The following EXT2 variants were observed in gnomAD, a reference collection of about 807,000 sequenced individuals.
EXT2 encodes exostosin-2.
A neutral mutation model predicts 81.6 loss-of-function variants in EXT2; 53 were observed. The ratio of observed to expected loss-of-function variants is 0.65; its 90% confidence interval spans 0.52 to 0.82. The LOEUF is 0.82. EXT2 is among the 40% of genes least tolerant of loss of function. The probability of loss-of-function intolerance (pLI) is 0.00; values close to 1 mark genes in which losing one functional copy is unlikely to be tolerated. For missense variants in EXT2, 774 were observed against 910.2 expected, an observed-to-expected ratio of 0.85 and a Z score of 1.93; for synonymous variants, 320 against 340.0, an observed-to-expected ratio of 0.94 and a Z score of 0.65.
intron 8 of EXT2, among the ~76,000 whole-genome samples, chr11:44,182,550 G>C (rs1223080903): frequency 6.6e-6 from 1 of 151,996 alleles, no homozygotes; most frequent in Non-Finnish European, 1.5e-5. Context: ...TCTAAAAATA[G>C]TACACTCTTT....
In EXT2 at chr11:44,190,815, G is replaced by T. The variant is rs910541199; in HGVS notation, c.1306-7014G>T. On this transcript the variant is annotated intron_variant, in intron 8 of 13. Transcript: ENST00000533608. ...CGTTTACCACCTTTCTCTGCTTTCT[G>T]TATGGTAACCCTAGAATGGTTTTGG... 3.3e-5 allele frequency among the ~76,000 whole-genome samples: 5 copies of T among 152,318 alleles called. No individual in the cohort carries two copies. The South Asian group carries it at 6.2e-4, about 19-fold the overall frequency.
intron 7 of EXT2, among the ~76,000 whole-genome samples, chr11:44,158,184 G>C (rs1424948368): frequency 1.3e-5 from 2 of 152,220 alleles, no homozygotes; most frequent in Non-Finnish European, 2.9e-5. Flanking sequence ...TGGGGGAGCA[G>C]TGACACAAGC....
chr11:44,235,728 T>A (rs1479232385), intron 12 of EXT2, among the ~76,000 whole-genome samples: 1 of 152,168 alleles, frequency 6.6e-6, no homozygotes, highest in Non-Finnish European at 1.5e-5. Flanking sequence ...CTGAGTTTGC[T>A]AGGGAGATCG....
At chr11:44,163,845 C>G (rs1202023912) in intron 7 of EXT2, among the ~76,000 whole-genome samples, 1 of 152,162 alleles carries the variant, frequency 6.6e-6, no homozygotes, top group Non-Finnish European at 1.5e-5. Flanking sequence ...TCTTGGTTCT[C>G]TTGGGTTTTG....
chr11:44,114,347 G>C, intron 4 of EXT2, 46 bp downstream of exon 4: 1 of 1,551,230 alleles, frequency 6.4e-7, no homozygotes, highest in Non-Finnish European at 8.9e-7. Context: ...CTGAATCTGT[G>C]AGATGTTGAT....
intron 8 of EXT2, among the ~76,000 whole-genome samples, chr11:44,189,886 T>G (rs529390638): frequency 6.6e-6 from 1 of 152,360 alleles, no homozygotes; most frequent in Non-Finnish European, 1.5e-5. Context: ...TCTCTAGTTT[T>G]GCAAGTCAGC....
At chr11:44,111,982 G>A (rs1954150785) in intron 3 of EXT2, among the ~76,000 whole-genome samples, 1 of 152,128 alleles carries the variant, frequency 6.6e-6, no homozygotes, top group African/African-American at 2.4e-5. Context: ...CACAAATATT[G>A]TTTTACAGTT....
intron 7 of EXT2, among the ~76,000 whole-genome samples, chr11:44,142,556 T>C (rs1256465298): frequency 2.0e-5 from 3 of 152,244 alleles, no homozygotes; most frequent in African/African-American, 4.8e-5. Flanking sequence ...GTGGTTTTTT[T>C]CCAAATGTTT....
At position 44,219,804 on chromosome 11, in the gene EXT2, T is replaced by TA. The variant is rs1274202616; in HGVS notation, c.1663-12543dup. ...TTCTTACTTACATAGCTGAGGCTGA[T>TA]AAAAAAGGGGGCATCCCTAACAGAG... is the stretch of plus-strand genomic sequence containing the variant. On this transcript the variant is annotated intron_variant, in intron 10 of 13. Coordinates refer to ENST00000533608, the MANE Select transcript of EXT2 (RefSeq NM_207122.2). 4.6e-5 allele frequency among the ~76,000 whole-genome samples: 7 copies of TA among 152,210 alleles called. No homozygotes were observed. The South Asian group carries it at 6.2e-4, about 14-fold the overall frequency.
At chr11:44,119,728 TTTCTAA>T in intron 4 of EXT2, among the ~76,000 whole-genome samples, 1 of 152,342 alleles carries the variant, frequency 6.6e-6, no homozygotes, top group Admixed American at 6.5e-5. Context: ...TAAGCAAGCC[TTTCTAA>T]GGAGAACACT....
At chr11:44,097,651 T>C (rs1250068861) in intron 1 of EXT2, among the ~76,000 whole-genome samples, 1 of 151,800 alleles carries the variant, frequency 6.6e-6, no homozygotes, top group African/African-American at 2.4e-5. Flanking sequence ...ATTAGCTGGG[T>C]GTGGTAGCAC....
intron 3 of EXT2, among the ~76,000 whole-genome samples, chr11:44,113,074 G>C (rs1463391237): frequency 6.6e-6 from 1 of 152,190 alleles, no homozygotes; most frequent in African/African-American, 2.4e-5. Context: ...TTGGTACTAA[G>C]GATAGTTATT....
chr11:44,218,016 C>A (rs1351998836), intron 10 of EXT2, among the ~76,000 whole-genome samples: 1 of 152,162 alleles, frequency 6.6e-6, no homozygotes, highest in Non-Finnish European at 1.5e-5. Flanking sequence ...TTCACCAGAG[C>A]AACTGTGTGT....
In EXT2 at chr11:44,219,422, G is replaced by A. The variant is rs557405974; in HGVS notation, c.1662+12463G>A. Reference sequence around the variant, plus strand: ...CCAGCTACTCAGGAGGCTGAGTGAGGTGGGAGAATCACTTGAGTCTAGGAT... The same window carrying A: ...CCAGCTACTCAGGAGGCTGAGTGAGATGGGAGAATCACTTGAGTCTAGGAT... On this transcript the variant is annotated intron_variant, in intron 10 of 13. Coordinates refer to ENST00000533608, the MANE Select transcript of EXT2 (RefSeq NM_207122.2). Among the ~76,000 whole-genome samples, 29 of 152,112 alleles carry A rather than the reference G, an allele frequency of 1.9e-4. 1 individual carries two copies. The highest frequency in any genetic ancestry group is 1.9e-3 in the South Asian group (9 of 4,822).
chr11:44,113,606 T>G (rs1339825387), intron 3 of EXT2, among the ~76,000 whole-genome samples: 1 of 152,222 alleles, frequency 6.6e-6, no homozygotes, highest in African/African-American at 2.4e-5. Context: ...GTAGCTGGAA[T>G]GGACAGTGAG....
At chr11:44,215,005 C>G (rs186275057) in intron 10 of EXT2, among the ~76,000 whole-genome samples, 1 of 152,138 alleles carries the variant, frequency 6.6e-6, no homozygotes, top group Non-Finnish European at 1.5e-5. Flanking sequence ...AAGCAATCCT[C>G]CTGCCTCGGC....
Position 44,249,709 on chromosome 11 carries a change from G to A in EXT2, c.*5422G>A, listed in dbSNP as rs1956124424. Among the ~76,000 whole-genome samples the A allele has an allele frequency of 6.6e-6, 1 of 152,200 alleles. No individual in the cohort carries two copies. The highest frequency in any genetic ancestry group is 1.5e-5 in the Non-Finnish European group (1 of 68,036). ...GCTGAAGACCAACCAACTAGTTACT[G>A]ATCCAGATGAGGGAAGAGAACATTT... On this transcript the variant is annotated 3_prime_UTR_variant, in exon 14 of 14. Transcript: ENST00000533608.
intron 13 of EXT2, among the ~76,000 whole-genome samples, chr11:44,236,889 G>A (rs1315592117): frequency 6.6e-6 from 1 of 152,096 alleles, no homozygotes; most frequent in African/African-American, 2.4e-5. Flanking sequence ...TCTTTATTTC[G>A]ATTCAAGTCA....
rs116363633 is a variant in EXT2 at position 44,097,860 on chromosome 11, A to G, written c.-31+2008A>G. 6.5e-3 allele frequency among the ~76,000 whole-genome samples: 986 copies of G among 152,308 alleles called. 10 individuals are homozygous for G. The highest frequency in any genetic ancestry group is 0.022 in the African/African-American group (928 of 41,548). On this transcript the variant is annotated intron_variant, in intron 1 of 13. Transcript: ENST00000533608. ...TGACTGAAAACATTGGACTAAGTGG[A>G]TTGGCTATAACCTGAAGCACCAAGG...
Sources: allele counts gnomAD v4.1 joint callset (sites outside exome capture counted in the v4.1 genomes callset), GRCh38; gene constraint gnomAD v4.1.1; transcripts MANE v1.5; gene names NCBI Gene and HGNC (gene_info 2026-07-23, HGNC 2026-07-21).